TSC22D1: variants seen among roughly 807,000 people sequenced by gnomAD.
TSC22D1 encodes TSC22 domain family member 1, also known as TSC22 domain family protein 1.
Under a neutral mutation model 74.2 loss-of-function variants are expected in TSC22D1, and 9 were observed. The ratio of observed to expected loss-of-function variants is 0.12; its 90% CI spans 0.07 to 0.21. The LOEUF is 0.21. Ranked by LOEUF, TSC22D1 falls within the 10% of genes least tolerant of loss-of-function variation. The probability of loss-of-function intolerance (pLI) is 1.00; values close to 1 mark genes in which losing one functional copy is unlikely to be tolerated. For missense variants in TSC22D1, 1,427 were observed against 1,304.7 expected, an observed-to-expected ratio of 1.09 and a Z score of -1.44; for synonymous variants, 586 against 492.5, an observed-to-expected ratio of 1.19 and a Z score of -2.51.
chr13:44,481,927 A>G (rs1878196305), intron 1 of TSC22D1, among the ~76,000 whole-genome samples: 1 of 152,184 alleles, frequency 6.6e-6, no homozygotes, highest in African/African-American at 2.4e-5. Flanking sequence ...TACTGACTGA[A>G]CCATTATTCC....
intron 1 of TSC22D1, among the ~76,000 whole-genome samples, chr13:44,542,450 TATAG>T (rs1456830030): frequency 1.4e-4 from 22 of 152,156 alleles, no homozygotes; most frequent in African/African-American, 5.3e-4. Flanking sequence ...CACAGTATAA[TATAG>T]ATAAAAAGTA....
At position 44,574,921 on chromosome 13, in the gene TSC22D1, G is replaced by A. The variant is rs1884095575; in HGVS notation, c.1154C>T (p.Ala385Val). ...SAAVSSVPNA[A>V]AGMTGGSVSS... ...AACCGATCCCCCAGTCATCCCTGCA[G>A]CTGCATTAGGAACACTGCTAACAGC... The change falls in exon 1 of 3, where the codon GCT becomes GTT. Residue 385 changes from alanine to valine, a missense_variant. Coordinates refer to ENST00000458659, the MANE Select transcript of TSC22D1 (RefSeq NM_183422.4). 3 of 1,614,084 alleles carry A rather than the reference G, an allele frequency of 1.9e-6. No homozygotes were observed. Among genetic ancestry groups the A allele is most frequent in the Non-Finnish European group, 2.5e-6 (3 of 1,180,010 alleles).
At chr13:44,503,377 C>T (rs1879300848) in intron 1 of TSC22D1, among the ~76,000 whole-genome samples, 1 of 152,038 alleles carries the variant, frequency 6.6e-6, no homozygotes, top group Non-Finnish European at 1.5e-5. Flanking sequence ...ACGAAAGTCT[C>T]CAGAAATCTG....
chr13:44,566,400 A>T (rs1883376479), intron 1 of TSC22D1, among the ~76,000 whole-genome samples: 1 of 152,220 alleles, frequency 6.6e-6, no homozygotes, highest in African/African-American at 2.4e-5. Flanking sequence ...GTGGTTAAAT[A>T]TGGTAGACAT....
At chr13:44,462,267 C>T (rs1877038888) in intron 1 of TSC22D1, among the ~76,000 whole-genome samples, 1 of 152,132 alleles carries the variant, frequency 6.6e-6, no homozygotes, top group Non-Finnish European at 1.5e-5. Flanking sequence ...TAACTAAGCA[C>T]CTTGTTTTGT....
At chr13:44,487,515 A>G (rs1490508264) in intron 1 of TSC22D1, among the ~76,000 whole-genome samples, 1 of 149,016 alleles carries the variant, frequency 6.7e-6, no homozygotes, top group Non-Finnish European at 1.5e-5. Context: ...AAAAAAAAAA[A>G]AAAAAAAAAA....
At chr13:44,436,843 C>CCA in intron 1 of TSC22D1, 1 of 1,328,082 alleles carries the variant, frequency 7.5e-7, no homozygotes, top group Non-Finnish European at 9.6e-7. Context: ...CAGCCGGGCT[C>CCA]CACTCAGCTC....
At chr13:44,482,500 C>T (rs1426328893) in intron 1 of TSC22D1, among the ~76,000 whole-genome samples, 9 of 152,186 alleles carry the variant, frequency 5.9e-5, no homozygotes, top group Admixed American at 3.3e-4. Context: ...GATCACGCCA[C>T]TGCACTCCAG....
intron 1 of TSC22D1, among the ~76,000 whole-genome samples, chr13:44,535,410 T>G (rs1418362719): frequency 6.6e-6 from 1 of 152,074 alleles, no homozygotes. Context: ...ATTTTAGGAC[T>G]AAATTACTAT....
At chr13:44,453,647 T>C (rs1453682578) in intron 1 of TSC22D1, among the ~76,000 whole-genome samples, 1 of 152,280 alleles carries the variant, frequency 6.6e-6, no homozygotes, top group East Asian at 1.9e-4. Flanking sequence ...GACTCAATAA[T>C]CTAGCAGAAC....
chr13:44,557,479 A>C (rs190176272), intron 1 of TSC22D1, among the ~76,000 whole-genome samples: 2 of 152,376 alleles, frequency 1.3e-5, no homozygotes, highest in Admixed American at 1.3e-4. Flanking sequence ...CAAAACAAAA[A>C]GTTAATTCTA....
At position 44,501,692 on chromosome 13, in the gene TSC22D1, C is replaced by T. The variant is rs575135923; in HGVS notation, c.2913-65597G>A. On this transcript the variant is annotated intron_variant, in intron 1 of 2. Transcript: ENST00000458659. ...AGAAGGATAATGAGCTAAGAGTCTA[C>T]TGTAATAAACACATGAAAAGCTAAA... Among the ~76,000 whole-genome samples the T allele has an allele frequency of 9.9e-4, 151 of 152,300 alleles. 2 individuals carry two copies. The South Asian group carries it at 0.015, about 15-fold the overall frequency.
intron 1 of TSC22D1, among the ~76,000 whole-genome samples, chr13:44,477,026 C>CTGGA (rs1566131138): frequency 6.6e-6 from 1 of 152,154 alleles, no homozygotes; most frequent in Non-Finnish European, 1.5e-5. Flanking sequence ...GTCGCCCAGG[C>CTGGA]TGGAGGTCCA....
intron 1 of TSC22D1, among the ~76,000 whole-genome samples, chr13:44,502,378 T>G (rs1369329417): frequency 1.3e-5 from 2 of 152,206 alleles, no homozygotes; most frequent in Non-Finnish European, 2.9e-5. Context: ...GTTTTAAAAC[T>G]TCCAGGCCTT....
intron 1 of TSC22D1, among the ~76,000 whole-genome samples, chr13:44,493,702 G>C (rs1164499812): frequency 6.6e-6 from 1 of 152,168 alleles, no homozygotes; most frequent in Non-Finnish European, 1.5e-5. Flanking sequence ...GGCTATGAGA[G>C]GACTGTAAAT....
intron 1 of TSC22D1, among the ~76,000 whole-genome samples, chr13:44,450,419 C>A (rs918596671): frequency 4.6e-5 from 7 of 152,098 alleles, no homozygotes; most frequent in African/African-American, 1.7e-4. Flanking sequence ...TTAAAGGGGG[C>A]AAATGATGCA....
At chr13:44,472,965 C>T (rs559930531) in intron 1 of TSC22D1, among the ~76,000 whole-genome samples, 1 of 152,172 alleles carries the variant, frequency 6.6e-6, no homozygotes, top group South Asian at 2.1e-4. Flanking sequence ...TTCCACGTGG[C>T]CAGGGAAGCC....
At chr13:44,508,005 G>A (rs910122368) in intron 1 of TSC22D1, among the ~76,000 whole-genome samples, 1 of 152,160 alleles carries the variant, frequency 6.6e-6, no homozygotes. Flanking sequence ...GGTGTCCCAA[G>A]AATAATATAT....
chr13:44,551,584 C>T (rs1162001277), intron 1 of TSC22D1, among the ~76,000 whole-genome samples: 1 of 152,138 alleles, frequency 6.6e-6, no homozygotes, highest in Non-Finnish European at 1.5e-5. Context: ...CCACGCCTGG[C>T]TAATTTTTGT....
Sources: gnomAD v4.1 joint callset for allele counts (sites outside exome capture counted in the v4.1 genomes callset) on GRCh38, gnomAD v4.1.1 for gene constraint, MANE v1.5 for transcripts, NCBI Gene and HGNC (gene_info 2026-07-23, HGNC 2026-07-21) for gene names.